The following SOX5 variants were observed in gnomAD, a reference collection of about 807,000 sequenced individuals.
SOX5 encodes the protein SRY-box transcription factor 5, also known as transcription factor SOX-5.
A neutral mutation model predicts 92.0 loss-of-function variants in SOX5; 9 were observed. The observed-to-expected ratio is 0.10, with a 90% CI of 0.06 to 0.17. SOX5 has a LOEUF of 0.17. Among genes scored for constraint, SOX5 ranks in the 10% least tolerant of loss-of-function variants. SOX5 has a pLI of 1.00. For synonymous variants in SOX5, 344 were observed against 336.3 expected, an observed-to-expected ratio of 1.02 and a Z score of -0.25; for missense variants, 642 against 944.5, an observed-to-expected ratio of 0.68 and a Z score of 4.20.
intron 4 of SOX5, among the ~76,000 whole-genome samples, chr12:24,173,448 A>T (rs16927285): frequency 5.9e-5 from 9 of 152,228 alleles, no homozygotes; most frequent in Non-Finnish European, 1.2e-4. Flanking sequence ...TGAGCTTGTC[A>T]TATTTTGAGA....
intron 1 of SOX5, among the ~76,000 whole-genome samples, chr12:24,394,811 T>C (rs1434549170): frequency 6.6e-6 from 1 of 152,210 alleles, no homozygotes; most frequent in Non-Finnish European, 1.5e-5. Flanking sequence ...AGGGCATCAT[T>C]TCGAAAAATA....
intron 4 of SOX5, among the ~76,000 whole-genome samples, chr12:24,157,686 G>A (rs1039080469): frequency 6.6e-6 from 1 of 152,072 alleles, no homozygotes; most frequent in Non-Finnish European, 1.5e-5. Flanking sequence ...AAGCCTTATA[G>A]GCAGTGCCTT....
rs149315034 is a variant in SOX5, at chr12:24,207,902, A to G, written c.-2+5441T>C. Among the ~76,000 whole-genome samples, 315 of 152,316 alleles carry G rather than the reference A, an allele frequency of 2.1e-3. 2 individuals are homozygous for G. The highest frequency in any genetic ancestry group is 7.3e-3 in the African/African-American group (303 of 41,566). On this transcript the variant is annotated intron_variant, in intron 4 of 4. Coordinates refer to the SOX5 transcript ENST00000446891. The stretch of plus-strand genomic sequence containing the variant: ...AATGTGGAATACTTACTTCCTCAAT[A>G]TATCAGTATTGGTAACTCAAATATA...
chr12:24,364,236 T>A (rs1196468317), intron 2 of SOX5, among the ~76,000 whole-genome samples: 2 of 152,170 alleles, frequency 1.3e-5, no homozygotes, highest in Non-Finnish European at 1.5e-5. Context: ...AAACTCATTC[T>A]GCTCCTTAAA....
At position 23,822,568 on chromosome 12, in the gene SOX5, T is replaced by C. The variant is rs190108076; in HGVS notation, c.481+23415A>G. Among the ~76,000 whole-genome samples the C allele has an allele frequency of 1.2e-4, 19 of 152,312 alleles. No homozygotes were observed. In the East Asian group the frequency reaches 3.7e-3, roughly 29 times the overall value. On this transcript the variant is annotated intron_variant, in intron 3 of 14. Transcript: ENST00000451604. ...GTGGTCAATTTTAGAATAACTGCTA[T>C]GAAGTGCTGAGAAGAATGTATATTC...
chr12:24,382,472 G>A (rs1247937809), intron 1 of SOX5, among the ~76,000 whole-genome samples: 1 of 152,010 alleles, frequency 6.6e-6, no homozygotes, highest in African/African-American at 2.4e-5. Flanking sequence ...GGGGAAGTCA[G>A]TGAGGAAAGG....
At chr12:23,667,815 TAATAAA>T (rs1005082182) in intron 6 of SOX5, among the ~76,000 whole-genome samples, 7 of 152,264 alleles carry the variant, frequency 4.6e-5, no homozygotes, top group East Asian at 3.9e-4. Context: ...ACTGTACTAT[TAATAAA>T]AAGAATACAG....
intron 1 of SOX5, among the ~76,000 whole-genome samples, chr12:23,920,907 T>G (rs1460763692): frequency 1.3e-5 from 2 of 152,170 alleles, no homozygotes; most frequent in Admixed American, 1.3e-4. Flanking sequence ...AAAGGGCATA[T>G]AAAATTTTTA....
chr12:24,147,173 C>G (rs1051546516), intron 4 of SOX5, among the ~76,000 whole-genome samples: 35 of 152,064 alleles, frequency 2.3e-4, no homozygotes, highest in African/African-American at 8.2e-4. Context: ...AAACATTTTA[C>G]AAGAAAAATG....
intron 3 of SOX5, among the ~76,000 whole-genome samples, chr12:23,814,153 A>T (rs2095937390): frequency 6.6e-6 from 1 of 152,234 alleles, no homozygotes; most frequent in Non-Finnish European, 1.5e-5. Context: ...AAAAAGAATG[A>T]GAAAACTAGA....
chr12:24,477,656 A>G (rs1194654130), intron 1 of SOX5, among the ~76,000 whole-genome samples: 7 of 152,188 alleles, frequency 4.6e-5, no homozygotes, highest in Non-Finnish European at 1.0e-4. Flanking sequence ...AAGGAAAGAG[A>G]CAAATCCCTC....
chr12:23,868,712 C>T (rs745702798), intron 2 of SOX5, among the ~76,000 whole-genome samples: 6 of 152,096 alleles, frequency 3.9e-5, no homozygotes, highest in Non-Finnish European at 5.9e-5. Context: ...CATTCCCACC[C>T]TACCCTCGCC....
chr12:24,246,939 T>C (rs566703261), intron 3 of SOX5, among the ~76,000 whole-genome samples: 3 of 151,986 alleles, frequency 2.0e-5, no homozygotes, highest in African/African-American at 7.2e-5. Context: ...GAACAAAAAA[T>C]GCAAGGTTTC....
At chr12:23,735,672 T>C (rs539322547) in intron 5 of SOX5, among the ~76,000 whole-genome samples, 54 of 152,328 alleles carry the variant, frequency 3.5e-4, no homozygotes, top group African/African-American at 1.2e-3. Context: ...GAGAAACTTA[T>C]TCAAAGGAAC....
intron 3 of SOX5, among the ~76,000 whole-genome samples, chr12:23,773,883 C>T (rs188266993): frequency 6.6e-6 from 1 of 152,204 alleles, no homozygotes; most frequent in East Asian, 1.9e-4. Context: ...AAATCAGTTT[C>T]ATTACTTTAT....
chr12:24,224,237 G>C (rs1364831962), intron 3 of SOX5, among the ~76,000 whole-genome samples: 1 of 151,968 alleles, frequency 6.6e-6, no homozygotes, highest in African/African-American at 2.4e-5. Context: ...ATTAGTGGAC[G>C]AGGCTTTTAA....
At chr12:23,969,604 GGCTAATGTCTA>G (rs1947992189) in intron 4 of SOX5, among the ~76,000 whole-genome samples, 1 of 152,030 alleles carries the variant, frequency 6.6e-6, no homozygotes, top group Non-Finnish European at 1.5e-5. Context: ...ATTTTTATTT[GGCTAATGTCTA>G]GCTACACTTC....
intron 3 of SOX5, among the ~76,000 whole-genome samples, chr12:23,811,676 G>A (rs939827938): frequency 2.6e-5 from 4 of 152,148 alleles, no homozygotes; most frequent in Admixed American, 1.3e-4. Flanking sequence ...CTTTTAAAAT[G>A]GTCAAAAGTG....
intron 2 of SOX5, among the ~76,000 whole-genome samples, chr12:24,322,838 G>A (rs1345009206): frequency 6.6e-6 from 1 of 151,982 alleles, no homozygotes; most frequent in Non-Finnish European, 1.5e-5. Context: ...AAATAATGTT[G>A]TTGTTGTTTT....
Sources: allele counts gnomAD v4.1 joint callset (sites outside exome capture counted in the v4.1 genomes callset), GRCh38; gene constraint gnomAD v4.1.1; transcripts MANE v1.5; gene names NCBI Gene and HGNC (gene_info 2026-07-23, HGNC 2026-07-21).